Variants in FGF13 observed in about 807,000 individuals in gnomAD.
FGF13 encodes fibroblast growth factor 13.
In FGF13, 2 loss-of-function variants were observed where a neutral mutation model predicts 19.5. That is an observed-to-expected ratio of 0.10 (90% CI 0.04 to 0.32). The LOEUF (loss-of-function observed/expected upper bound fraction) is 0.32. Among genes scored for constraint, FGF13 ranks in the 10% least tolerant of loss-of-function variants. FGF13 has a pLI of 1.00. For missense variants in FGF13, 113 were observed against 192.7 expected (o/e 0.59, Z 2.45); for synonymous variants, 72 against 76.9 (o/e 0.94, Z 0.33).
At position 138,706,987 on chromosome X, in the gene FGF13, T is replaced by C. The variant is rs779906906; in HGVS notation, c.298+1831A>G. Among the ~76,000 whole-genome samples the C allele has an allele frequency of 6.7e-4, 75 of 112,647 alleles. 1 individual carries two copies. The highest frequency in any genetic ancestry group is 2.3e-3 in the African/African-American group (73 of 31,070). Reference sequence around the variant, plus strand: ...TCTGCCTAAATACAGATTCCTGTTATCAGGCTATGTTCTTTAATGGTCTTT... The same window carrying C: ...TCTGCCTAAATACAGATTCCTGTTACCAGGCTATGTTCTTTAATGGTCTTT... On this transcript the variant is annotated intron_variant, in intron 2 of 4. Coordinates refer to ENST00000315930, the MANE Select transcript of FGF13 (RefSeq NM_004114.5).
chrX:138,905,491 C>T (rs1285777109), intron 1 of FGF13, among the ~76,000 whole-genome samples: 1 of 111,587 alleles, frequency 9.0e-6, no homozygotes, highest in Non-Finnish European at 1.9e-5. Context: ...CCCCAGAAGG[C>T]AATAAGACTC....
chrX:138,811,578 A>G (rs1016890561), intron 3 of FGF13, among the ~76,000 whole-genome samples: 1 of 111,051 alleles, frequency 9.0e-6, no homozygotes, highest in African/African-American at 3.3e-5. Flanking sequence ...CATGTACCCT[A>G]GAATTTAAAG....
chrX:139,175,547 T>C (rs1053053940), intron 1 of FGF13, among the ~76,000 whole-genome samples: 4 of 111,983 alleles, frequency 3.6e-5, no homozygotes, highest in Non-Finnish European at 7.5e-5. Flanking sequence ...TTGTCATAAA[T>C]AGCTCTTATT....
chrX:138,956,305 TAAGAC>T (rs748366804), intron 1 of FGF13, among the ~76,000 whole-genome samples: 46 of 111,899 alleles, frequency 4.1e-4, no homozygotes, highest in South Asian at 3.4e-3. Context: ...CCAGCAGAAA[TAAGAC>T]AGAAAGAAGG....
intron 1 of FGF13, among the ~76,000 whole-genome samples, chrX:138,977,248 A>C (rs1258533699): frequency 9.0e-6 from 1 of 111,704 alleles, no homozygotes; most frequent in Non-Finnish European, 1.9e-5. Flanking sequence ...CGTTTTCTTG[A>C]CGTATATTAA....
chrX:139,079,100 G>C (rs891986130), intron 1 of FGF13, among the ~76,000 whole-genome samples: 1 of 112,219 alleles, frequency 8.9e-6, no homozygotes, highest in Non-Finnish European at 1.9e-5. Flanking sequence ...GCTCTGACAT[G>C]GAGCACCGAT....
intron 1 of FGF13, among the ~76,000 whole-genome samples, chrX:138,723,802 G>T (rs2090165849): frequency 8.9e-6 from 1 of 112,023 alleles, no homozygotes; most frequent in Non-Finnish European, 1.9e-5. Flanking sequence ...TGGGTACTCA[G>T]GGGGTGATCA....
At chrX:138,699,689 T>C (rs924146948) in intron 3 of FGF13, among the ~76,000 whole-genome samples, 5 of 112,543 alleles carry the variant, frequency 4.4e-5, no homozygotes, top group Non-Finnish European at 9.4e-5. Flanking sequence ...TAATTAGTTA[T>C]TCTTCCTCTG....
chrX:138,640,975 T>G (rs1313761243), intron 3 of FGF13, among the ~76,000 whole-genome samples: 1 of 111,537 alleles, frequency 9.0e-6, no homozygotes, highest in African/African-American at 3.3e-5. Flanking sequence ...TTACATGGGC[T>G]GCACTGATTC....
At chrX:138,880,320 C>T (rs1403165637) in intron 1 of FGF13, among the ~76,000 whole-genome samples, 1 of 111,928 alleles carries the variant, frequency 8.9e-6, no homozygotes, top group South Asian at 3.8e-4. Flanking sequence ...ACCCAGCAAT[C>T]CCACTACTGG....
chrX:138,846,039 A>T (rs1181277897), intron 3 of FGF13, among the ~76,000 whole-genome samples: 1 of 111,012 alleles, frequency 9.0e-6, no homozygotes, highest in African/African-American at 3.3e-5. Context: ...ATATTATCCC[A>T]TAGAGGGCTG....
chrX:138,819,967 A>G (rs2090987780), intron 3 of FGF13, among the ~76,000 whole-genome samples: 1 of 111,522 alleles, frequency 9.0e-6, no homozygotes, highest in Admixed American at 9.6e-5. Flanking sequence ...AGATCAAGCC[A>G]AGACTTGAGT....
intron 2 of FGF13, among the ~76,000 whole-genome samples, chrX:138,704,030 T>G (rs1231987983): frequency 8.9e-6 from 1 of 112,361 alleles, no homozygotes; most frequent in African/African-American, 3.2e-5. Flanking sequence ...TAGTATTTCT[T>G]AAAGGACCAA....
Position 139,179,185 on chromosome X carries a change from G to C in FGF13, c.-113+24231C>G, listed in dbSNP as rs953082387. On this transcript the variant is annotated intron_variant, in intron 1 of 2. Transcript: ENST00000421460. Reference sequence around the variant, plus strand: ...TAATGGCAAAACCGCAATTAATTTTGCACCAACTTAATATCTCACAGTGGA... The same window carrying C: ...TAATGGCAAAACCGCAATTAATTTTCCACCAACTTAATATCTCACAGTGGA... Among the ~76,000 whole-genome samples the C allele has an allele frequency of 3.6e-5, 4 of 111,086 alleles. No individual in the cohort carries two copies. The South Asian group carries it at 1.5e-3, about 42-fold the overall frequency.
At chrX:138,782,800 T>C (rs1360070567) in intron 3 of FGF13, among the ~76,000 whole-genome samples, 101 of 100,754 alleles carry the variant, frequency 1.0e-3, no homozygotes, top group African/African-American at 3.5e-3. Flanking sequence ...CTTCACACAA[T>C]TGGAAAAAAC....
intron 1 of FGF13, among the ~76,000 whole-genome samples, chrX:138,927,297 C>T (rs988745529): frequency 6.2e-5 from 7 of 112,097 alleles, no homozygotes; most frequent in South Asian, 3.8e-4. Flanking sequence ...GCCCATCCAA[C>T]TGTGCTCCAT....
intron 1 of FGF13, among the ~76,000 whole-genome samples, chrX:138,987,862 T>C (rs1259948428): frequency 8.9e-6 from 1 of 112,319 alleles, no homozygotes; most frequent in Non-Finnish European, 1.9e-5. Flanking sequence ...ATTCTCAATG[T>C]TGATGAGGGG....
intron 1 of FGF13, among the ~76,000 whole-genome samples, chrX:138,875,021 C>A (rs967576542): frequency 2.7e-5 from 3 of 110,345 alleles, no homozygotes; most frequent in African/African-American, 9.9e-5. Context: ...GCGGGCGGAT[C>A]ATGAGGTCAG....
Position 138,627,627 on chromosome X carries a change from G to GTGTA in FGF13, c.*5222_*5223insTACA. The stretch of plus-strand genomic sequence containing the variant: ...TGTGTGTGTGTGTGTGTGTGTGTGT[G>GTGTA]CGCGTGTGTGTGTGTGTGTGTGTGA... On this transcript the variant is annotated 3_prime_UTR_variant, in exon 5 of 5. Coordinates refer to ENST00000315930, the MANE Select transcript of FGF13 (RefSeq NM_004114.5). 1.3e-5 allele frequency: 1 copy of GTGTA among 74,589 alleles called. No homozygotes were observed. Among genetic ancestry groups the GTGTA allele is most frequent in the Admixed American group, 1.4e-4 (1 of 7,073 alleles). 6.1% of individuals were successfully genotyped at this position (74,589 alleles called of 1,213,427 possible).
Sources: gnomAD v4.1 joint callset for allele counts (sites outside exome capture counted in the v4.1 genomes callset) on GRCh38, gnomAD v4.1.1 for gene constraint, MANE v1.5 for transcripts, NCBI Gene and HGNC (gene_info 2026-07-23, HGNC 2026-07-21) for gene names.